The following GRM8 variants were observed in gnomAD, a reference collection of about 807,000 sequenced individuals.
GRM8 encodes the protein metabotropic glutamate receptor 8.
GRM8 carries 47 observed loss-of-function variants against 87.2 expected under a neutral mutation model. The observed-to-expected ratio is 0.54, with a 90% CI of 0.43 to 0.69. GRM8 has a LOEUF of 0.69. GRM8 is among the 30% of genes least tolerant of loss of function. The pLI is 0.00. For synonymous variants in GRM8, 396 were observed against 404.5 expected, an observed-to-expected ratio of 0.98 and a Z score of 0.25; for missense variants, 1,019 against 1,139.2, an observed-to-expected ratio of 0.89 and a Z score of 1.52.
At chr7:127,213,714 T>A (rs1246614989) in intron 2 of GRM8, among the ~76,000 whole-genome samples, 1 of 152,224 alleles carries the variant, frequency 6.6e-6, no homozygotes, top group African/African-American at 2.4e-5. Flanking sequence ...CTAGGTCTAA[T>A]CTGTTGTTAA....
chr7:126,898,127 G>A (rs1801722593), intron 6 of GRM8, among the ~76,000 whole-genome samples: 1 of 152,056 alleles, frequency 6.6e-6, no homozygotes, highest in Non-Finnish European at 1.5e-5. Flanking sequence ...GAACAAAAAG[G>A]GCCTCATGGA....
At chr7:127,078,724 G>C (rs192821626) in intron 3 of GRM8, among the ~76,000 whole-genome samples, 4 of 152,280 alleles carry the variant, frequency 2.6e-5, no homozygotes, top group South Asian at 4.1e-4. Flanking sequence ...ATTGCAATCA[G>C]GGCTATTTTA....
intron 6 of GRM8, among the ~76,000 whole-genome samples, chr7:126,823,264 T>C (rs934110633): frequency 5.3e-5 from 8 of 152,258 alleles, no homozygotes; most frequent in African/African-American, 1.9e-4. Context: ...TCCAATCCTG[T>C]AATTGTATGG....
chr7:127,177,488 A>G (rs1248095526), intron 2 of GRM8, among the ~76,000 whole-genome samples: 1 of 152,204 alleles, frequency 6.6e-6, no homozygotes, highest in African/African-American at 2.4e-5. Flanking sequence ...CCCTCTCCAT[A>G]CTACTACAGC....
At chr7:127,000,881 C>A (rs1563398885) in intron 3 of GRM8, among the ~76,000 whole-genome samples, 1 of 151,574 alleles carries the variant, frequency 6.6e-6, no homozygotes, top group Non-Finnish European at 1.5e-5. Context: ...TACTAAAACA[C>A]CCTTATTTAC....
chr7:126,943,528 T>C (rs1418184260), intron 3 of GRM8, among the ~76,000 whole-genome samples: 1 of 152,368 alleles, frequency 6.6e-6, no homozygotes, highest in Non-Finnish European at 1.5e-5. Flanking sequence ...GATCATTTTA[T>C]ACAAAAGTTG....
intron 2 of GRM8, among the ~76,000 whole-genome samples, chr7:127,227,527 G>C (rs974781656): frequency 1.3e-5 from 2 of 152,134 alleles, no homozygotes; most frequent in African/African-American, 4.8e-5. Context: ...TGCTGTCACA[G>C]GTCCTATTTT....
intron 6 of GRM8, among the ~76,000 whole-genome samples, chr7:126,879,126 G>A (rs1037398303): frequency 2.1e-5 from 3 of 146,088 alleles, no homozygotes; most frequent in African/African-American, 5.1e-5. Flanking sequence ...CGGCGCCATT[G>A]CACTCCAGCC....
chr7:126,546,278 A>G (rs973244643), intron 8 of GRM8, among the ~76,000 whole-genome samples: 1 of 152,208 alleles, frequency 6.6e-6, no homozygotes, highest in African/African-American at 2.4e-5. Flanking sequence ...TATGCATCAC[A>G]TCACACAGCT....
At chr7:126,482,578 A>ATAT (rs1408171857) in intron 9 of GRM8, among the ~76,000 whole-genome samples, 1 of 152,056 alleles carries the variant, frequency 6.6e-6, no homozygotes, top group Non-Finnish European at 1.5e-5. Flanking sequence ...TGCTTATATA[A>ATAT]GGTACCTAGA....
chr7:127,212,043 C>T (rs1029073300), intron 2 of GRM8, among the ~76,000 whole-genome samples: 1 of 152,162 alleles, frequency 6.6e-6, no homozygotes, highest in East Asian at 1.9e-4. Context: ...ATAAAGGTCA[C>T]AACCTTACAT....
chr7:126,829,452 T>C (rs1235282024), intron 6 of GRM8, among the ~76,000 whole-genome samples: 40 of 137,368 alleles, frequency 2.9e-4, no homozygotes, highest in Non-Finnish European at 4.7e-4. Context: ...TTTACCATTA[T>C]GTAATGGCCT....
At chr7:126,974,893 G>A (rs1269912445) in intron 3 of GRM8, among the ~76,000 whole-genome samples, 10 of 125,736 alleles carry the variant, frequency 8.0e-5, no homozygotes, top group Non-Finnish European at 1.4e-4. Context: ...CCAAAATCGC[G>A]CCACTGCGCT....
chr7:126,848,388 G>A (rs1796901010), intron 6 of GRM8, among the ~76,000 whole-genome samples: 1 of 152,094 alleles, frequency 6.6e-6, no homozygotes, highest in Non-Finnish European at 1.5e-5. Context: ...TGAACACTTA[G>A]CACCAAAAAA....
chr7:127,218,316 T>A (rs1358553603), intron 2 of GRM8, among the ~76,000 whole-genome samples: 1 of 152,206 alleles, frequency 6.6e-6, no homozygotes, highest in Non-Finnish European at 1.5e-5. Context: ...AGGATTTGAA[T>A]CCATGTTCTT....
At chr7:127,165,116 G>A (rs1486411443) in intron 2 of GRM8, among the ~76,000 whole-genome samples, 1 of 130,520 alleles carries the variant, frequency 7.7e-6, no homozygotes, top group African/African-American at 2.9e-5. Context: ...TCTAGCAGGA[G>A]AGGCAGATAA....
In GRM8 at chr7:126,976,901, A is replaced by ATT. The variant is rs35457348; in HGVS notation, c.728-72220_728-72219dup. 8.6e-3 allele frequency among the ~76,000 whole-genome samples: 1,258 copies of ATT among 146,188 alleles called. 4 individuals carry two copies. The highest frequency in any genetic ancestry group is 0.018 in the Middle Eastern group (5 of 284). The stretch of plus-strand genomic sequence containing the variant: ...AGGGGGTTGGGGTTTTATTTTCATT[A>ATT]TTTTTTTTTTTTTACAGATTTTACC... On this transcript the variant is annotated intron_variant, in intron 3 of 10. Coordinates refer to ENST00000339582, the MANE Select transcript of GRM8 (RefSeq NM_000845.3).
At position 127,053,984 on chromosome 7, in the gene GRM8, G is replaced by A. The variant is rs565028129; in HGVS notation, c.727+52512C>T. On this transcript the variant is annotated intron_variant, in intron 3 of 10. Coordinates refer to ENST00000339582, the MANE Select transcript of GRM8 (RefSeq NM_000845.3). ...TTTAATCCTTACAGTAACTCTGAGA[G>A]GTAGATACTTCTTAACTGGTATAGG... Among the ~76,000 whole-genome samples the A allele has an allele frequency of 1.4e-4, 22 of 152,206 alleles. No individual in the cohort carries two copies. In the South Asian group the frequency reaches 4.4e-3, roughly 30 times the overall value.
At chr7:127,041,343 G>A (rs904040124) in intron 3 of GRM8, among the ~76,000 whole-genome samples, 2 of 152,142 alleles carry the variant, frequency 1.3e-5, no homozygotes, top group African/African-American at 4.8e-5. Flanking sequence ...AGGCAGGGAA[G>A]GCTGAAATAT....
Sources: gnomAD v4.1 joint callset for allele counts (sites outside exome capture counted in the v4.1 genomes callset) on GRCh38, gnomAD v4.1.1 for gene constraint, MANE v1.5 for transcripts, NCBI Gene and HGNC (gene_info 2026-07-23, HGNC 2026-07-21) for gene names.